The following USP6NL variants were observed in gnomAD, a reference collection of about 807,000 sequenced individuals.
The protein encoded by USP6NL is USP6 N-terminal-like protein.
USP6NL carries 26 observed loss-of-function variants against 61.9 expected under a neutral mutation model. That is an observed-to-expected ratio of 0.42 (90% confidence interval 0.31 to 0.58). The LOEUF is 0.58. Among genes scored for constraint, USP6NL ranks in the 20% least tolerant of loss-of-function variants. The probability of loss-of-function intolerance (pLI) is 0.16; values close to 1 mark genes in which losing one functional copy is unlikely to be tolerated. For missense variants in USP6NL, 1,114 were observed against 1,034.3 expected (o/e 1.08, Z -1.06); for synonymous variants, 432 against 390.1 (o/e 1.11, Z -1.27).
rs1837995373 is a variant in USP6NL, at chr10:11,587,055, C to T, written c.4+10576G>A. ...TGGATGTCCCTTTTGGTACTAAGAC[C>T]GTACTACTGGCTCAATGTCTGGCTT... is the stretch of plus-strand genomic sequence containing the variant. On this transcript the variant is annotated intron_variant, in intron 2 of 14. Transcript: ENST00000609104. The surrounding 1 kb of genome is among the most constrained non-coding windows in gnomAD (Gnocchi z 4.5). Among the ~76,000 whole-genome samples, 1 of 152,086 alleles carries T rather than the reference C, an allele frequency of 6.6e-6. No individual in the cohort carries two copies. The highest frequency in any genetic ancestry group is 2.4e-5 in the African/African-American group (1 of 41,386).
chr10:11,555,451 T>TATATATATAG (rs1427219382), intron 2 of USP6NL, among the ~76,000 whole-genome samples: 6 of 61,002 alleles, frequency 9.8e-5, no homozygotes, highest in East Asian at 1.9e-3. Context: ...TATATATATA[T>TATATATATAG]AGAGAGAGAG....
In USP6NL at chr10:11,497,237, G is replaced by A. The variant is rs183306485; in HGVS notation, c.384+3864C>T. Among the ~76,000 whole-genome samples the A allele has an allele frequency of 3.1e-3, 471 of 150,710 alleles. 9 individuals carry two copies. The highest frequency in any genetic ancestry group is 5.7e-3 in the East Asian group (29 of 5,124). On this transcript the variant is annotated intron_variant, in intron 7 of 14. Transcript: ENST00000609104. ...ATCTTGGCTAACACGGTGAAACCCC[G>A]TCTCTACTAAAAATGTGAAAAAAAA...
In USP6NL at chr10:11,570,353, T is replaced by G. The variant is rs1837312574; in HGVS notation, c.4+27278A>C. The stretch of plus-strand genomic sequence containing the variant: ...ATATATGTTTATTGAATAAAATGAA[T>G]GAGGAGGCTACTGTCATAATCTAGA... On this transcript the variant is annotated intron_variant, in intron 2 of 14. Coordinates refer to ENST00000609104, the MANE Select transcript of USP6NL (RefSeq NM_014688.5). Among the ~76,000 whole-genome samples, 3 of 152,052 alleles carry G rather than the reference T, an allele frequency of 2.0e-5. No individual in the cohort carries two copies. In the South Asian group the frequency reaches 6.2e-4, roughly 32 times the overall value.
intron 2 of USP6NL, among the ~76,000 whole-genome samples, chr10:11,536,071 A>G (rs962338441): frequency 6.6e-6 from 1 of 152,210 alleles, no homozygotes; most frequent in African/African-American, 2.4e-5. Context: ...ATCTGCAACA[A>G]GAGTCTGAAA....
rs781443038 is a variant in USP6NL, at chr10:11,543,803, G to GTTTTTTTT, written c.5-16244_5-16237dup. Among the ~76,000 whole-genome samples, 5 of 76,392 alleles carry GTTTTTTTT rather than the reference G, an allele frequency of 6.5e-5. 1 individual carries two copies. The highest frequency in any genetic ancestry group is 1.3e-4 in the Non-Finnish European group (5 of 39,650). 50.1% of individuals were successfully genotyped at this position (76,392 alleles called of 152,430 possible). A position where few individuals can be genotyped will look rare whatever the true frequency, so the allele number is the denominator to read the frequency against. ...TCTGGGGATCCTGAAAAATATTTAG[G>GTTTTTTTT]TTTTTTTTTTTTTTTTTTTTTTTTT... is the stretch of plus-strand genomic sequence containing the variant. On this transcript the variant is annotated intron_variant, in intron 2 of 14. Coordinates refer to ENST00000609104, the MANE Select transcript of USP6NL (RefSeq NM_014688.5).
intron 2 of USP6NL, among the ~76,000 whole-genome samples, chr10:11,554,614 T>C (rs1294920869): frequency 6.6e-6 from 1 of 152,096 alleles, no homozygotes; most frequent in Admixed American, 6.5e-5. Context: ...TCAAACATGA[T>C]TGGACTAAGT....
chr10:11,473,198 T>C (rs951416896), intron 14 of USP6NL, among the ~76,000 whole-genome samples: 4 of 150,986 alleles, frequency 2.6e-5, no homozygotes, highest in African/African-American at 9.9e-5. Context: ...TTTTTTATTA[T>C]CTAAAAAATA....
intron 2 of USP6NL, among the ~76,000 whole-genome samples, chr10:11,586,220 A>G (rs1837956961): frequency 1.3e-5 from 2 of 152,186 alleles, no homozygotes; most frequent in South Asian, 2.1e-4. Context: ...ACCAGAGCAA[A>G]TGTAAATGGG....
intron 2 of USP6NL, among the ~76,000 whole-genome samples, chr10:11,534,034 C>G (rs1462489618): frequency 6.6e-6 from 1 of 151,874 alleles, no homozygotes; most frequent in Non-Finnish European, 1.5e-5. Context: ...TAGCAAGAAT[C>G]CCCCCACTCT....
intron 2 of USP6NL, among the ~76,000 whole-genome samples, chr10:11,556,858 C>CT (rs1836726120): frequency 6.6e-6 from 1 of 152,174 alleles, no homozygotes; most frequent in Non-Finnish European, 1.5e-5. Flanking sequence ...ACTTAGAACT[C>CT]TAACAACAAA....
At chr10:11,479,880 G>C (rs961087113) in intron 14 of USP6NL, among the ~76,000 whole-genome samples, 4 of 152,100 alleles carry the variant, frequency 2.6e-5, no homozygotes. Context: ...CAGCCTCATG[G>C]AGGTTTTTAA....
At chr10:11,566,540 A>G in intron 2 of USP6NL, among the ~76,000 whole-genome samples, 1 of 152,202 alleles carries the variant, frequency 6.6e-6, no homozygotes, top group East Asian at 1.9e-4. Context: ...GCACAGAGAA[A>G]CTAAGTTGCT....
Position 11,465,228 on chromosome 10 carries a change from G to T in USP6NL, c.1079-1379C>A, listed in dbSNP as rs1832400015. Among the ~76,000 whole-genome samples the T allele has an allele frequency of 2.0e-5, 3 of 152,192 alleles. No homozygotes were observed. The highest frequency in any genetic ancestry group is 4.4e-5 in the Non-Finnish European group (3 of 68,022). On this transcript the variant is annotated intron_variant, in intron 14 of 14. Coordinates refer to ENST00000609104, the MANE Select transcript of USP6NL (RefSeq NM_014688.5). The surrounding 1 kb of genome is among the most constrained non-coding windows in gnomAD (Gnocchi z 4.5). ...AAGGGCAGAACCCAGTAATCTGATT[G>T]GCTAATTCAGTGGCTGGCTGATATT... is the stretch of plus-strand genomic sequence containing the variant.
chr10:11,599,470 C>G (rs12355036), intron 1 of USP6NL, among the ~76,000 whole-genome samples: 11,937 of 152,230 alleles, frequency 0.078, 676 homozygotes, highest in East Asian at 0.16. Flanking sequence ...CTTAAGACAT[C>G]AAGAGTTTTC....
At position 11,463,912 on chromosome 10, in the gene USP6NL, AT is replaced by A; in HGVS notation, c.1079-64del. Reference sequence around the variant, plus strand: ...GAGTAAACAGTAGCCAGTTGAAGCAATCCATTAGTAACAATGGCATGCTTTT... The same window carrying A: ...GAGTAAACAGTAGCCAGTTGAAGCAACCATTAGTAACAATGGCATGCTTTT... On this transcript the variant is annotated intron_variant, in intron 14 of 14. Coordinates refer to ENST00000609104, the MANE Select transcript of USP6NL (RefSeq NM_014688.5). This position sits in a 1 kb window ranked among gnomAD's most constrained non-coding sequence, Gnocchi z 6.3. 7.1e-7 allele frequency: 1 copy of A among 1,398,764 alleles called. No individual in the cohort carries two copies. Among genetic ancestry groups the A allele is most frequent in the Non-Finnish European group, 9.5e-7 (1 of 1,051,968 alleles). 86.6% of individuals were successfully genotyped at this position (1,398,764 alleles called of 1,614,324 possible).
chr10:11,497,420 A>T (rs1029922548), intron 7 of USP6NL, among the ~76,000 whole-genome samples: 1 of 151,492 alleles, frequency 6.6e-6, no homozygotes, highest in African/African-American at 2.4e-5. Flanking sequence ...TCAAAAAAAA[A>T]AAAAAAAGAA....
At position 11,475,960 on chromosome 10, in the gene USP6NL, A is replaced by G. The variant is rs1832953976; in HGVS notation, c.1078+5810T>C. ...AGCTTCTAGTTTGCTGAAACTACAC[A>G]GAACACCAGGAAAGAAAAACCAGAC... is the stretch of plus-strand genomic sequence containing the variant. On this transcript the variant is annotated intron_variant, in intron 14 of 14. Coordinates refer to ENST00000609104, the MANE Select transcript of USP6NL (RefSeq NM_014688.5). 2.6e-5 allele frequency among the ~76,000 whole-genome samples: 4 copies of G among 152,312 alleles called. No individual in the cohort carries two copies. The South Asian group carries it at 8.3e-4, about 32-fold the overall frequency.
At chr10:11,527,126 CAG>C (rs978136196) in intron 3 of USP6NL, among the ~76,000 whole-genome samples, 1 of 152,036 alleles carries the variant, frequency 6.6e-6, no homozygotes, top group African/African-American at 2.4e-5. Context: ...AGGGTAGAAT[CAG>C]GGGCATTAAA....
intron 2 of USP6NL, among the ~76,000 whole-genome samples, chr10:11,554,985 T>TA (rs1054516884): frequency 8.1e-5 from 12 of 148,704 alleles, no homozygotes; most frequent in Admixed American, 4.7e-4. Context: ...TTTTTTTTTT[T>TA]ACTAGAGATG....
Sources: gnomAD v4.1 joint callset for allele counts (sites outside exome capture counted in the v4.1 genomes callset) on GRCh38, gnomAD v4.1.1 for gene constraint, Gnocchi (gnomAD v3.1) non-coding constraint, MANE v1.5 for transcripts, NCBI Gene and HGNC (gene_info 2026-07-23, HGNC 2026-07-21) for gene names.